Variants in SEMA5B observed in about 807,000 individuals in gnomAD.
SEMA5B encodes the protein semaphorin-5B.
SEMA5B carries 66 observed loss-of-function variants against 135.0 expected under a neutral mutation model. That is an observed-to-expected ratio of 0.49 (90% CI 0.40 to 0.60). The LOEUF is 0.60. Ranked by LOEUF, SEMA5B falls within the 20% of genes least tolerant of loss-of-function variation. The pLI is 0.00. For missense variants in SEMA5B, 1,501 were observed against 1,566.3 expected (o/e 0.96, Z 0.70); for synonymous variants, 690 against 639.5 (o/e 1.08, Z -1.19).
chr3:122,948,786 G>A, intron 2 of SEMA5B, 77 bp from the exon 3 acceptor site: 1 of 1,166,646 alleles, frequency 8.6e-7, no homozygotes, highest in African/African-American at 1.5e-5. Context: ...TGTGGTTACA[G>A]TGCCCCCACA....
intron 3 of SEMA5B, among the ~76,000 whole-genome samples, 190 bp downstream of exon 3, chr3:122,948,316 G>A (rs1395612780): frequency 6.6e-6 from 1 of 152,190 alleles, no homozygotes; most frequent in Non-Finnish European, 1.5e-5. Context: ...GACCCCTCCA[G>A]CCCATTGCTG....
In SEMA5B at chr3:122,915,867, G is replaced by C. The variant is rs142815872; in HGVS notation, c.1712C>G (p.Pro571Arg). ...CTGCTTCCCGTCCCAGCCACAGTAC[G>C]GGTCCCGGGCCCCCAGGCATGCCCT... is the stretch of plus-strand genomic sequence containing the variant. ...SQGACLGARD[P>R]YCGWDGKQQR... Residue 571 changes from proline (P) to arginine (R), a missense_variant, in exon 13 of 23, where the codon CCG becomes CGG. By Grantham distance (103) the Pro-to-Arg change is moderately radical (BLOSUM62 -2). Coordinates refer to ENST00000357599, the MANE Select transcript of SEMA5B (RefSeq NM_001031702.4). The C allele has an allele frequency of 6.2e-7, 1 of 1,613,880 alleles. No individual in the cohort carries two copies. The highest frequency in any genetic ancestry group is 1.1e-5 in the South Asian group (1 of 91,076).
At chr3:122,956,541 G>C (rs904799730) in intron 2 of SEMA5B, among the ~76,000 whole-genome samples, 8 of 152,334 alleles carry the variant, frequency 5.3e-5, no homozygotes, top group African/African-American at 1.4e-4. Flanking sequence ...GCTACACAGC[G>C]ACCGGTGCCC....
chr3:122,959,249 G>T (rs985902698), intron 2 of SEMA5B, among the ~76,000 whole-genome samples: 1 of 152,128 alleles, frequency 6.6e-6, no homozygotes, highest in Non-Finnish European at 1.5e-5. Flanking sequence ...TATTGTAATC[G>T]TCGCCATTTC....
intron 1 of SEMA5B, among the ~76,000 whole-genome samples, chr3:122,967,517 C>T (rs1181350837): frequency 6.6e-6 from 1 of 152,208 alleles, no homozygotes; most frequent in South Asian, 2.1e-4. Flanking sequence ...TAACCCAGTG[C>T]AGACTCCTGG....
At chr3:122,958,351 A>T in intron 2 of SEMA5B, 1 of 152,406 alleles carries the variant, frequency 6.6e-6, no homozygotes, top group East Asian at 1.9e-4. Context: ...GAGAAGGAAA[A>T]TAAAAGAAGA....
At chr3:122,938,424 C>T (rs1939400364) in intron 5 of SEMA5B, among the ~76,000 whole-genome samples, 1 of 152,162 alleles carries the variant, frequency 6.6e-6, no homozygotes, top group African/African-American at 2.4e-5. Context: ...TATACCTCCC[C>T]TCTAGCAACC....
At chr3:123,017,554 TG>T (rs1942590532) in intron 1 of SEMA5B, among the ~76,000 whole-genome samples, 1 of 152,172 alleles carries the variant, frequency 6.6e-6, no homozygotes, top group Non-Finnish European at 1.5e-5. Flanking sequence ...AATGACCTAA[TG>T]TGGTCTAAAG....
At chr3:122,929,208 T>A in intron 5 of SEMA5B, 150 bp from the exon 6 acceptor site, 1 of 729,658 alleles carries the variant, frequency 1.4e-6, no homozygotes, top group Non-Finnish European at 2.3e-6. Flanking sequence ...TCTCACTACA[T>A]CCACATGGAC....
At chr3:123,025,183 T>A (rs1560458271) in intron 1 of SEMA5B, among the ~76,000 whole-genome samples, 1 of 152,154 alleles carries the variant, frequency 6.6e-6, no homozygotes, top group Non-Finnish European at 1.5e-5. Context: ...GTAAAGGAAC[T>A]TTTTCCCCTC....
In SEMA5B at chr3:122,961,057, C is replaced by T; in HGVS notation, c.124+83G>A. 3 of 1,418,602 alleles carry T rather than the reference C, an allele frequency of 2.1e-6. No individual in the cohort carries two copies. In the South Asian group the frequency reaches 4.2e-5, roughly 20 times the overall value. 87.9% of individuals were successfully genotyped at this position (1,418,602 alleles called of 1,614,324 possible). On this transcript the variant is annotated intron_variant, in intron 2 of 22. Transcript: ENST00000357599. ...GGTCCTAGGAGGTATGCTGATGATG[C>T]CCCAGATGAGGGGGTCTTCTCCCTG...
chr3:122,948,492 G>A lies in SEMA5B; in HGVS notation c.328+14C>T, dbSNP rs370070639. The stretch of plus-strand genomic sequence containing the variant: ...GCCATTGCAAGACAGGGCCAAGTAG[G>A]AAGCAACTCTTACCTTCAAAGGCCA... On this transcript the variant is annotated intron_variant, in intron 3 of 22. Transcript: ENST00000357599. The A allele has an allele frequency of 6.3e-7, 1 of 1,589,464 alleles. No homozygotes were observed. Among genetic ancestry groups the A allele is most frequent in the Non-Finnish European group, 8.6e-7 (1 of 1,163,216 alleles).
chr3:122,960,721 C>T (rs1576368514), intron 2 of SEMA5B, among the ~76,000 whole-genome samples: 1 of 152,126 alleles, frequency 6.6e-6, no homozygotes, highest in African/African-American at 2.4e-5. Flanking sequence ...AAGCCAGCCA[C>T]GAAAAGATAA....
chr3:122,912,248 G>A lies in SEMA5B; in HGVS notation c.2820C>T (p.Pro940=). The A allele has an allele frequency of 6.2e-7, 1 of 1,612,258 alleles. No homozygotes were observed. The change falls in exon 19 of 23, where the codon CCC becomes CCT. Residue 940 remains proline, a synonymous_variant. Coordinates refer to ENST00000357599, the MANE Select transcript of SEMA5B (RefSeq NM_001031702.4). ...AGATGTCCTCACCTGGGGAGGGTGC[G>A]GGGCTGGTGCAGGAACGGGTGCGTT... ...HYQRTRSCTS[P]APSPGEDICL...
chr3:123,005,638 G>A (rs1481141160), intron 1 of SEMA5B, among the ~76,000 whole-genome samples: 2 of 152,148 alleles, frequency 1.3e-5, no homozygotes, highest in Non-Finnish European at 2.9e-5. Context: ...GGGTAGGGAG[G>A]TGGAATAGAG....
At chr3:122,927,403 C>A (rs180721789) in intron 8 of SEMA5B, among the ~76,000 whole-genome samples, 1 of 152,106 alleles carries the variant, frequency 6.6e-6, no homozygotes, top group East Asian at 1.9e-4. Context: ...ATGTTGCCCA[C>A]GCTGGTCTCC....
At chr3:122,961,423 T>G in intron 1 of SEMA5B, 122 bp from the exon 2 acceptor site, 1 of 918,442 alleles carries the variant, frequency 1.1e-6, no homozygotes, top group Non-Finnish European at 1.6e-6. Flanking sequence ...TGTTTCTTGG[T>G]GCTGCTTTAA....
In SEMA5B at chr3:122,939,490, C is replaced by A; in HGVS notation, c.429-20G>T. 1 of 1,607,340 alleles carries A rather than the reference C, an allele frequency of 6.2e-7. No individual in the cohort carries two copies. ...TAGTTCCTGTGAAAATGGAAACAGA[C>A]ATCCTAAGTGACGCTGGTTCTGCAG... is the stretch of plus-strand genomic sequence containing the variant. On this transcript the variant is annotated intron_variant, in intron 4 of 22. Transcript: ENST00000357599.
intron 2 of SEMA5B, among the ~76,000 whole-genome samples, chr3:122,953,700 C>T (rs901234672): frequency 2.6e-5 from 4 of 152,188 alleles, no homozygotes; most frequent in African/African-American, 9.7e-5. Context: ...CTGCAGGTAT[C>T]ATACTGAAAA....
Sources: gnomAD v4.1 joint callset for allele counts (sites outside exome capture counted in the v4.1 genomes callset) on GRCh38, gnomAD v4.1.1 for gene constraint, MANE v1.5 for transcripts, NCBI Gene and HGNC (gene_info 2026-07-23, HGNC 2026-07-21) for gene names.